The following AKT2 variants were observed in gnomAD, a reference collection of about 807,000 sequenced individuals.
AKT2 encodes the protein RAC-beta serine/threonine-protein kinase.
AKT2 carries 16 observed loss-of-function variants against 58.6 expected under a neutral mutation model. The ratio of observed to expected loss-of-function variants is 0.27; its 90% CI spans 0.18 to 0.41. AKT2 has a LOEUF of 0.41. AKT2 is among the 10% of genes least tolerant of loss of function. AKT2 has a pLI of 1.00. For synonymous variants in AKT2, 253 were observed against 254.0 expected (o/e 1.00, Z 0.04); for missense variants, 438 against 661.0 (o/e 0.66, Z 3.70).
chr19:40,282,944 CTG>C, intron 1 of AKT2: 1 of 168,116 alleles, frequency 5.9e-6, no homozygotes, highest in Non-Finnish European at 1.3e-5. Flanking sequence ...TATGAGACCT[CTG>C]GGAAATCTTT....
chr19:40,265,247 G>A lies in AKT2; in HGVS notation c.21C>T (p.Ile7=). The A allele has an allele frequency of 6.2e-7, 1 of 1,613,424 alleles. No individual in the cohort carries two copies. The highest frequency in any genetic ancestry group is 8.5e-7 in the Non-Finnish European group (1 of 1,179,760). The change falls in exon 2 of 14, where the codon ATC becomes ATT. Residue 7 remains isoleucine, a synonymous_variant. Transcript: ENST00000392038. ...CACGCTTGTGGAGCCAGCCTTCTTT[G>A]ATGACAGACACCTCATTCATGGTGG... is the stretch of plus-strand genomic sequence containing the variant. MNEVSV[I]KEGWLHKRGE... is the part of the protein sequence containing the mutation.
In AKT2 at chr19:40,265,248, A is replaced by G. The variant is rs2145363504; in HGVS notation, c.20T>C (p.Ile7Thr). The change falls in exon 2 of 14, where the codon ATC (isoleucine) becomes ACC (threonine). Residue 7 changes from isoleucine (I) to threonine (T), a missense_variant. Coordinates refer to ENST00000392038, the MANE Select transcript of AKT2 (RefSeq NM_001626.6). Reference sequence around the variant, plus strand: ...ACGCTTGTGGAGCCAGCCTTCTTTGATGACAGACACCTCATTCATGGTGGC... The same window carrying G: ...ACGCTTGTGGAGCCAGCCTTCTTTGGTGACAGACACCTCATTCATGGTGGC... MNEVSV[I>T]KEGWLHKRGE... 6.2e-7 allele frequency: 1 copy of G among 1,613,468 alleles called. No individual in the cohort carries two copies. The highest frequency in any genetic ancestry group is 1.1e-5 in the South Asian group (1 of 90,846).
At chr19:40,252,222 G>C (rs1975209616) in intron 4 of AKT2, among the ~76,000 whole-genome samples, 1 of 152,200 alleles carries the variant, frequency 6.6e-6, no homozygotes, top group South Asian at 2.1e-4. Flanking sequence ...CAGGAGCAGA[G>C]TGGAGGGGGC....
At chr19:40,281,689 C>T (rs1022442298) in intron 1 of AKT2, among the ~76,000 whole-genome samples, 1 of 152,192 alleles carries the variant, frequency 6.6e-6, no homozygotes, top group African/African-American at 2.4e-5. Flanking sequence ...CTAATTTCAG[C>T]CCTGATCTCC....
rs1568517536 is a variant in AKT2 at position 40,235,460 on chromosome 19, A to G, written c.1176-110T>C. On this transcript the variant is annotated intron_variant, in intron 11 of 13. Coordinates refer to ENST00000392038, the MANE Select transcript of AKT2 (RefSeq NM_001626.6). The surrounding 1 kb of genome is among the most constrained non-coding windows in gnomAD (Gnocchi z 6.3). Reference sequence around the variant, plus strand: ...GGCCCTTAATGATTCTGTCTTGACCACAAACCACTTCACAGAGGAGGAAAC... The same window carrying G: ...GGCCCTTAATGATTCTGTCTTGACCGCAAACCACTTCACAGAGGAGGAAAC... 1 of 976,992 alleles carries G rather than the reference A, an allele frequency of 1.0e-6. No individual in the cohort carries two copies. The highest frequency in any genetic ancestry group is 1.6e-6 in the Non-Finnish European group (1 of 627,398). 60.5% of individuals were successfully genotyped at this position (976,992 alleles called of 1,614,324 possible).
intron 1 of AKT2, among the ~76,000 whole-genome samples, chr19:40,272,500 C>T (rs763047188): frequency 4.6e-5 from 7 of 152,176 alleles, no homozygotes; most frequent in Non-Finnish European, 7.3e-5. Context: ...GCTCGCGGCA[C>T]GACAGAATGC....
At chr19:40,256,416 G>A (rs1975546896) in intron 3 of AKT2, among the ~76,000 whole-genome samples, 1 of 152,186 alleles carries the variant, frequency 6.6e-6, no homozygotes, top group Non-Finnish European at 1.5e-5. Flanking sequence ...ATGTGGACAG[G>A]ACCATATTCT....
At chr19:40,264,720 C>T (rs921942828) in intron 2 of AKT2, among the ~76,000 whole-genome samples, 3 of 151,972 alleles carry the variant, frequency 2.0e-5, no homozygotes, top group Non-Finnish European at 2.9e-5. Flanking sequence ...GATGCCCCCC[C>T]GCCCCCAGCC....
chr19:40,266,437 A>G (rs1349932573), intron 1 of AKT2: 1 of 152,334 alleles, frequency 6.6e-6, no homozygotes, highest in African/African-American at 2.4e-5. Flanking sequence ...GTCCCGGCAG[A>G]AAGAAGGGAG....
At chr19:40,251,920 G>A (rs1046268053) in intron 4 of AKT2, among the ~76,000 whole-genome samples, 10 of 152,210 alleles carry the variant, frequency 6.6e-5, no homozygotes, top group African/African-American at 9.6e-5. Context: ...CGGTGAATGC[G>A]GGACTGCAGA....
rs1973753230 is a variant in AKT2 at position 40,232,506 on chromosome 19, G to A, written c.*1366C>T. 4.3e-6 allele frequency: 1 copy of A among 231,806 alleles called. No individual in the cohort carries two copies. Among genetic ancestry groups the A allele is most frequent in the Admixed American group, 5.6e-5 (1 of 17,718 alleles). 14.4% of individuals were successfully genotyped at this position (231,806 alleles called of 1,614,324 possible). A position where few individuals can be genotyped will look rare whatever the true frequency, so the allele number is the denominator to read the frequency against. ...CTGCCATGAACTGTGTAGTACAGGAGATGGGATAGGGAGAGCAAACCCACA... is the reference window on the plus strand; with the variant it reads ...CTGCCATGAACTGTGTAGTACAGGAAATGGGATAGGGAGAGCAAACCCACA... On this transcript the variant is annotated 3_prime_UTR_variant, in exon 14 of 14. Transcript: ENST00000392038.
At chr19:40,266,666 C>A (rs958454663) in intron 1 of AKT2, among the ~76,000 whole-genome samples, 2 of 152,150 alleles carry the variant, frequency 1.3e-5, no homozygotes, top group East Asian at 1.9e-4. Context: ...ACATCTCGGC[C>A]GGGCACAATG....
intron 2 of AKT2, among the ~76,000 whole-genome samples, chr19:40,262,826 T>A (rs1159050248): frequency 6.6e-6 from 1 of 152,148 alleles, no homozygotes; most frequent in Non-Finnish European, 1.5e-5. Context: ...CAGTAAGTGC[T>A]CAGTAAACCA....
chr19:40,271,798 G>A (rs954864886), intron 1 of AKT2, among the ~76,000 whole-genome samples: 1 of 152,172 alleles, frequency 6.6e-6, no homozygotes, highest in Non-Finnish European at 1.5e-5. Context: ...GCAGCATCCT[G>A]GGTCTCTACT....
chr19:40,258,228 G>C (rs949517440), intron 2 of AKT2, among the ~76,000 whole-genome samples: 6 of 121,562 alleles, frequency 4.9e-5, no homozygotes, highest in Non-Finnish European at 8.0e-5. Context: ...TGGGCAACAA[G>C]AGCGAAACTC....
At chr19:40,251,060 C>T (rs1024120141) in intron 4 of AKT2, among the ~76,000 whole-genome samples, 22 of 151,956 alleles carry the variant, frequency 1.4e-4, no homozygotes, top group Admixed American at 1.4e-3. Context: ...AAAAATTCGC[C>T]AGGCATGGTG....
At position 40,230,555 on chromosome 19, in the gene AKT2, A is replaced by G. The variant is rs1379759174; in HGVS notation, c.*3317T>C. ...CCCCAGAGGCTTCACATTAACTGGA[A>G]AAGATTACACAAAAAGAGCAGGAAA... is the stretch of plus-strand genomic sequence containing the variant. On this transcript the variant is annotated 3_prime_UTR_variant, in exon 14 of 14. Coordinates refer to ENST00000392038, the MANE Select transcript of AKT2 (RefSeq NM_001626.6). The G allele has an allele frequency of 8.8e-6, 2 of 227,446 alleles. No individual in the cohort carries two copies. Among genetic ancestry groups the G allele is most frequent in the Non-Finnish European group, 1.7e-5 (2 of 114,468 alleles). 14.1% of individuals were successfully genotyped at this position (227,446 alleles called of 1,614,324 possible).
chr19:40,255,817 C>T (rs1277914089), intron 3 of AKT2, among the ~76,000 whole-genome samples: 1 of 152,156 alleles, frequency 6.6e-6, no homozygotes, highest in Non-Finnish European at 1.5e-5. Flanking sequence ...AGCAGGGAGC[C>T]ATAGAAGGCT....
intron 1 of AKT2, among the ~76,000 whole-genome samples, chr19:40,271,240 T>C (rs765289177): frequency 1.4e-5 from 2 of 146,946 alleles, no homozygotes; most frequent in Admixed American, 1.4e-4. Context: ...CACATATATA[T>C]GTATATATAC....
Sources: gnomAD v4.1 joint callset for allele counts (sites outside exome capture counted in the v4.1 genomes callset) on GRCh38, gnomAD v4.1.1 for gene constraint, Gnocchi (gnomAD v3.1) non-coding constraint, MANE v1.5 for transcripts, NCBI Gene and HGNC (gene_info 2026-07-23, HGNC 2026-07-21) for gene names.